The following SORCS2 variants were observed in gnomAD, a reference collection of about 807,000 sequenced individuals.
SORCS2 encodes sortilin related VPS10 domain containing receptor 2.
In SORCS2, 100 loss-of-function variants were observed where a neutral mutation model predicts 141.6. That is an observed-to-expected ratio of 0.71 (90% CI 0.60 to 0.83). The LOEUF (loss-of-function observed/expected upper bound fraction) is 0.83, where lower values mean the gene tolerates loss of function less well. SORCS2 is among the 40% of genes least tolerant of loss of function. The pLI, the probability that SORCS2 is intolerant of heterozygous loss-of-function variation, is 0.00. For synonymous variants in SORCS2, 789 were observed against 676.9 expected, an observed-to-expected ratio of 1.17 and a Z score of -2.57; for missense variants, 1,646 against 1,560.2, an observed-to-expected ratio of 1.05 and a Z score of -0.93.
intron 1 of SORCS2, among the ~76,000 whole-genome samples, chr4:7,227,166 G>A (rs28602284): frequency 0.11 from 17,495 of 152,240 alleles, 1,307 homozygotes; most frequent in African/African-American, 0.21. Context: ...AGGAACATCA[G>A]GCTTGAGCAA....
intron 2 of SORCS2, among the ~76,000 whole-genome samples, chr4:7,444,410 G>T (rs1727864843): frequency 6.6e-6 from 1 of 152,224 alleles, no homozygotes; most frequent in Admixed American, 6.5e-5. Flanking sequence ...AGGCCTCTGT[G>T]ATTCAACAAA....
chr4:7,416,496 A>C (rs1342473017), intron 2 of SORCS2, among the ~76,000 whole-genome samples: 1 of 152,052 alleles, frequency 6.6e-6, no homozygotes, highest in Non-Finnish European at 1.5e-5. Flanking sequence ...ACGCTCACAC[A>C]GACACGCACG....
chr4:7,375,351 T>C (rs913870082), intron 1 of SORCS2, among the ~76,000 whole-genome samples: 1 of 152,246 alleles, frequency 6.6e-6, no homozygotes, highest in Non-Finnish European at 1.5e-5. Context: ...GGCAGCTCCA[T>C]GCGCCTCTGT....
chr4:7,486,049 G>A (rs1309952758), intron 2 of SORCS2, among the ~76,000 whole-genome samples: 2 of 152,184 alleles, frequency 1.3e-5, no homozygotes, highest in Non-Finnish European at 1.5e-5. Flanking sequence ...GAAGCCCACG[G>A]ATGTCACCCA....
intron 1 of SORCS2, among the ~76,000 whole-genome samples, chr4:7,371,125 T>C (rs529157339): frequency 2.0e-5 from 3 of 152,030 alleles, no homozygotes; most frequent in African/African-American, 7.2e-5. Flanking sequence ...ACATGGAGAG[T>C]TGGGGCACAG....
intron 3 of SORCS2, among the ~76,000 whole-genome samples, chr4:7,636,249 G>T (rs967249061): frequency 7.2e-5 from 11 of 151,850 alleles, no homozygotes; most frequent in African/African-American, 2.7e-4. Context: ...GACTTGCTTT[G>T]GGTCCCCTGT....
intron 1 of SORCS2, among the ~76,000 whole-genome samples, chr4:7,270,202 A>G (rs1715022072): frequency 1.3e-5 from 2 of 152,266 alleles, no homozygotes; most frequent in Non-Finnish European, 2.9e-5. Flanking sequence ...AATCTCATCC[A>G]GAGGCATATG....
intron 2 of SORCS2, among the ~76,000 whole-genome samples, chr4:7,504,647 G>A (rs575756696): frequency 1.3e-5 from 2 of 152,318 alleles, no homozygotes; most frequent in South Asian, 4.1e-4. Flanking sequence ...GTCACACAGA[G>A]CCACATTTAG....
intron 3 of SORCS2, among the ~76,000 whole-genome samples, chr4:7,623,520 A>G (rs953179545): frequency 4.0e-5 from 6 of 151,718 alleles, no homozygotes; most frequent in Non-Finnish European, 7.4e-5. Flanking sequence ...TTTTCCCCCA[A>G]TGCCCAAGGT....
At chr4:7,451,763 C>A (rs1291076875) in intron 2 of SORCS2, among the ~76,000 whole-genome samples, 1 of 152,180 alleles carries the variant, frequency 6.6e-6, no homozygotes, top group Non-Finnish European at 1.5e-5. Context: ...TTGTGAGTCC[C>A]AGACCCCACT....
At position 7,724,115 on chromosome 4, in the gene SORCS2, A is replaced by G. The variant is rs113093092; in HGVS notation, c.2611+232A>G. Among the ~76,000 whole-genome samples the G allele has an allele frequency of 8.3e-3, 1,206 of 145,140 alleles. 17 individuals are homozygous for G. Among genetic ancestry groups the G allele is most frequent in the African/African-American group, 0.029 (1,086 of 37,564 alleles). Reference sequence around the variant, plus strand: ...GGTGATATTGATGATAGTGGTGGTGATGGTGGTGGTGGTGGTGGTGGTGGT... The same window carrying G: ...GGTGATATTGATGATAGTGGTGGTGGTGGTGGTGGTGGTGGTGGTGGTGGT... On this transcript the variant is annotated intron_variant, in intron 19 of 26. Coordinates refer to ENST00000507866, the MANE Select transcript of SORCS2 (RefSeq NM_020777.3).
intron 18 of SORCS2, among the ~76,000 whole-genome samples, chr4:7,719,221 A>T (rs545451270): frequency 6.6e-6 from 1 of 152,326 alleles, no homozygotes; most frequent in South Asian, 2.1e-4. Flanking sequence ...GATGTTGGTG[A>T]CAAAGGTCTT....
In SORCS2 at chr4:7,302,704, C is replaced by T. The variant is rs1055689184; in HGVS notation, c.481-93584C>T. The stretch of plus-strand genomic sequence containing the variant: ...TCAGTAAAGCTAAGCTCATTTTGTC[C>T]GTTTGTTCACTGCTGTGCCCCCAGC... On this transcript the variant is annotated intron_variant, in intron 1 of 26. Transcript: ENST00000507866. Among the ~76,000 whole-genome samples the T allele has an allele frequency of 6.0e-5, 9 of 150,502 alleles. No individual in the cohort carries two copies. The East Asian group carries it at 7.8e-4, about 13-fold the overall frequency.
chr4:7,257,679 T>A (rs1220025201), intron 1 of SORCS2, among the ~76,000 whole-genome samples: 1 of 152,174 alleles, frequency 6.6e-6, no homozygotes, highest in Non-Finnish European at 1.5e-5. Context: ...GGAAGAGAAG[T>A]GCACATGTGG....
chr4:7,732,115 G>A (rs545696071), intron 23 of SORCS2, among the ~76,000 whole-genome samples: 7 of 152,294 alleles, frequency 4.6e-5, no homozygotes, highest in East Asian at 3.9e-4. Context: ...CAGGTGACTC[G>A]ATTAAAAAAC....
chr4:7,447,489 A>G (rs1419695908), intron 2 of SORCS2, among the ~76,000 whole-genome samples: 8 of 152,214 alleles, frequency 5.3e-5, no homozygotes, highest in South Asian at 2.1e-4. Context: ...CTGAATTTAC[A>G]CTTCCGATGA....
intron 19 of SORCS2, among the ~76,000 whole-genome samples, chr4:7,724,443 A>AATGGTGGTGGTG (rs1216909435): frequency 1.3e-4 from 6 of 45,524 alleles, no homozygotes; most frequent in Non-Finnish European, 1.8e-4. Context: ...TAATGGTGAC[A>AATGGTGGTGGTG]ATGGTGGTGG....
intron 26 of SORCS2, among the ~76,000 whole-genome samples, chr4:7,737,684 AAGG>A (rs1288636301): frequency 6.6e-6 from 1 of 152,222 alleles, no homozygotes; most frequent in Non-Finnish European, 1.5e-5. Context: ...CATGCCCAGC[AAGG>A]AGAAGATCAG....
chr4:7,533,520 C>T (rs945676985), intron 3 of SORCS2, among the ~76,000 whole-genome samples: 7 of 152,204 alleles, frequency 4.6e-5, no homozygotes, highest in Non-Finnish European at 7.3e-5. Flanking sequence ...CTGCCCTTCT[C>T]CACTCCATGC....
Sources: gnomAD v4.1 joint callset for allele counts (sites outside exome capture counted in the v4.1 genomes callset) on GRCh38, gnomAD v4.1.1 for gene constraint, MANE v1.5 for transcripts, NCBI Gene and HGNC (gene_info 2026-07-23, HGNC 2026-07-21) for gene names.